The following RAP1A variants were observed in gnomAD, a reference collection of about 807,000 sequenced individuals.
RAP1A encodes the protein ras-related protein Rap-1A.
A neutral mutation model predicts 26.4 loss-of-function variants in RAP1A; 6 were observed. The ratio of observed to expected loss-of-function variants is 0.23; its 90% CI spans 0.12 to 0.45. The LOEUF (loss-of-function observed/expected upper bound fraction) is 0.45, where lower values mean the gene tolerates loss of function less well. Among genes scored for constraint, RAP1A ranks in the 20% least tolerant of loss-of-function variants. The pLI, the probability that RAP1A is intolerant of heterozygous loss-of-function variation, is 0.99. For missense variants in RAP1A, 121 were observed against 217.2 expected, an observed-to-expected ratio of 0.56 and a Z score of 2.78; for synonymous variants, 73 against 79.4, an observed-to-expected ratio of 0.92 and a Z score of 0.43.
chr1:111,697,612 G>A, intron 4 of RAP1A, 115 bp downstream of exon 4: 1 of 1,511,442 alleles, frequency 6.6e-7, no homozygotes, highest in Non-Finnish European at 8.8e-7. Flanking sequence ...TGATTAAGAA[G>A]AAATTCTCTG....
chr1:111,624,176 A>G (rs1659318750), intron 1 of RAP1A, among the ~76,000 whole-genome samples: 1 of 152,336 alleles, frequency 6.6e-6, no homozygotes, highest in Admixed American at 6.5e-5. Flanking sequence ...TATTTCCAAG[A>G]ATTTTTTGCT....
chr1:111,669,329 G>A (rs72697808), intron 1 of RAP1A, among the ~76,000 whole-genome samples: 19,233 of 152,202 alleles, frequency 0.13, 1,540 homozygotes, highest in South Asian at 0.18. Flanking sequence ...CTGATAGTGA[G>A]ATTTGACTAT....
intron 1 of RAP1A, among the ~76,000 whole-genome samples, chr1:111,592,186 C>G (rs746595876): frequency 5.7e-4 from 87 of 152,242 alleles, no homozygotes; most frequent in Non-Finnish European, 1.0e-3. Flanking sequence ...GATTGGAACA[C>G]AGTCTACAAC....
Position 111,696,342 on chromosome 1 carries a change from T to G in RAP1A, c.126+933T>G, listed in dbSNP as rs575473458. Among the ~76,000 whole-genome samples, 4 of 152,392 alleles carry G rather than the reference T, an allele frequency of 2.6e-5. No homozygotes were observed. The East Asian group carries it at 7.7e-4, about 29-fold the overall frequency. ...TGCTGTAACTTTTGTTGAATTAATT[T>G]GTTAGTTCATGAAGGACTACTAGTA... On this transcript the variant is annotated intron_variant, in intron 3 of 7. Transcript: ENST00000369709.
chr1:111,573,727 T>C (rs867616696), intron 1 of RAP1A, among the ~76,000 whole-genome samples: 4 of 152,226 alleles, frequency 2.6e-5, no homozygotes, highest in South Asian at 2.1e-4. Context: ...GATATTTAGA[T>C]TTTTTATATG....
At chr1:111,579,058 G>A (rs181991559) in intron 1 of RAP1A, among the ~76,000 whole-genome samples, 185 of 152,286 alleles carry the variant, frequency 1.2e-3, no homozygotes, top group Non-Finnish European at 1.2e-3. Flanking sequence ...CTTCCACGCC[G>A]TGTCTAGGTG....
intron 1 of RAP1A, among the ~76,000 whole-genome samples, chr1:111,606,896 A>C (rs1658795189): frequency 6.6e-6 from 1 of 152,246 alleles, no homozygotes; most frequent in African/African-American, 2.4e-5. Context: ...GTATTGTACA[A>C]GAACTGGCTC....
chr1:111,630,282 CT>C (rs1363538820), intron 1 of RAP1A, among the ~76,000 whole-genome samples: 1 of 152,078 alleles, frequency 6.6e-6, no homozygotes, highest in Non-Finnish European at 1.5e-5. Context: ...TTTCATACTC[CT>C]TTTGAATCAG....
intron 1 of RAP1A, among the ~76,000 whole-genome samples, chr1:111,579,413 C>A (rs551153615): frequency 6.6e-6 from 1 of 152,196 alleles, no homozygotes; most frequent in Non-Finnish European, 1.5e-5. Context: ...TATTTTACAT[C>A]ATATCACAAG....
chr1:111,672,399 A>G (rs552769813), intron 1 of RAP1A, among the ~76,000 whole-genome samples: 93 of 152,328 alleles, frequency 6.1e-4, no homozygotes, highest in African/African-American at 2.0e-3. Flanking sequence ...CAAGAAATTC[A>G]TAATGTCTTG....
upstream of RAP1A, chr1:111,619,727 C>T: frequency 1.0e-5 from 4 of 393,436 alleles, no homozygotes; most frequent in Non-Finnish European, 1.8e-5. Flanking sequence ...CTTGGAGGGG[C>T]GGGGCAGAAC....
chr1:111,673,538 A>G (rs1281761205), intron 1 of RAP1A, among the ~76,000 whole-genome samples: 2 of 152,222 alleles, frequency 1.3e-5, no homozygotes, highest in East Asian at 3.8e-4. Flanking sequence ...AGGAAGAATG[A>G]AGAGTTAGAT....
At chr1:111,703,282 A>C in intron 4 of RAP1A, 54 bp from the exon 5 acceptor site, 1 of 1,193,252 alleles carries the variant, frequency 8.4e-7, no homozygotes, top group Non-Finnish European at 1.1e-6. Context: ...AAATTGTTGC[A>C]GTATACATTC....
chr1:111,643,966 A>T (rs1659972913), intron 1 of RAP1A, among the ~76,000 whole-genome samples: 1 of 152,210 alleles, frequency 6.6e-6, no homozygotes, highest in Admixed American at 6.5e-5. Flanking sequence ...CTTTCAGTAG[A>T]ATTTCTTCTT....
intron 1 of RAP1A, among the ~76,000 whole-genome samples, chr1:111,569,846 G>A (rs1658012622): frequency 6.6e-6 from 1 of 152,106 alleles, no homozygotes; most frequent in Admixed American, 6.5e-5. Flanking sequence ...TCCACAAAAT[G>A]TTTGGGGGAC....
chr1:111,606,014 C>A (rs1658767281), intron 1 of RAP1A, among the ~76,000 whole-genome samples: 1 of 152,170 alleles, frequency 6.6e-6, no homozygotes, highest in Non-Finnish European at 1.5e-5. Context: ...AGCTGAGGGC[C>A]CAAATGCCTC....
At chr1:111,698,228 T>C (rs1174509144) in intron 4 of RAP1A, among the ~76,000 whole-genome samples, 1 of 152,186 alleles carries the variant, frequency 6.6e-6, no homozygotes, top group Middle Eastern at 3.2e-3. Context: ...TCCATGCACA[T>C]AGACTTGACA....
intron 1 of RAP1A, among the ~76,000 whole-genome samples, chr1:111,625,231 G>C (rs543581498): frequency 6.6e-6 from 1 of 152,102 alleles, no homozygotes; most frequent in Non-Finnish European, 1.5e-5. Flanking sequence ...GTTTTTTGCA[G>C]TGCAGTGCTG....
At chr1:111,629,876 A>G (rs1659517023) in intron 1 of RAP1A, among the ~76,000 whole-genome samples, 1 of 152,194 alleles carries the variant, frequency 6.6e-6, no homozygotes, top group Non-Finnish European at 1.5e-5. Flanking sequence ...TCTCTTTTAA[A>G]TAGGTTTGAG....
Sources: allele counts gnomAD v4.1 joint callset (sites outside exome capture counted in the v4.1 genomes callset), GRCh38; gene constraint gnomAD v4.1.1; transcripts MANE v1.5; gene names NCBI Gene and HGNC (gene_info 2026-07-23, HGNC 2026-07-21).